TRAPPC3: variants seen among roughly 807,000 people sequenced by gnomAD.
The protein encoded by TRAPPC3 is trafficking protein particle complex subunit 3, also known as trafficking protein particle complex 3.
In TRAPPC3, 5 loss-of-function variants were observed where a neutral mutation model predicts 18.2. That is an observed-to-expected ratio of 0.28 (90% CI 0.14 to 0.58). TRAPPC3 has a LOEUF of 0.58. Among genes scored for constraint, TRAPPC3 ranks in the 20% least tolerant of loss-of-function variants. TRAPPC3 has a pLI of 0.91. For missense variants in TRAPPC3, 176 were observed against 225.9 expected, an observed-to-expected ratio of 0.78 and a Z score of 1.41; for synonymous variants, 65 against 84.2, an observed-to-expected ratio of 0.77 and a Z score of 1.25.
At chr1:36,140,217 C>T (rs762454722) in intron 1 of TRAPPC3, 51 bp from the exon 2 acceptor site, 12 of 1,249,374 alleles carry the variant, frequency 9.6e-6, no homozygotes, top group Non-Finnish European at 1.2e-5. Flanking sequence ...AAAGAGAAAG[C>T]GTGGTGAGAG....
intron 1 of TRAPPC3, among the ~76,000 whole-genome samples, chr1:36,144,335 G>A (rs984904795): frequency 5.7e-5 from 7 of 122,268 alleles, no homozygotes; most frequent in African/African-American, 2.2e-4. Flanking sequence ...AAAGAAAGAA[G>A]ATTTTGAATC....
intron 3 of TRAPPC3, 135 bp downstream of exon 3, chr1:36,139,585 G>T: frequency 8.4e-7 from 1 of 1,188,594 alleles, no homozygotes. Context: ...GACCTGGAAT[G>T]TTTTTTTGAC....
At chr1:36,137,751 C>T (rs930832904) in intron 4 of TRAPPC3, 45 bp downstream of exon 4, 1 of 1,575,680 alleles carries the variant, frequency 6.3e-7, no homozygotes, top group Non-Finnish European at 8.7e-7. Context: ...TTATCAAGTC[C>T]CTATTGCATT....
chr1:36,150,478 A>C (rs1475101768), upstream of TRAPPC3, among the ~76,000 whole-genome samples: 2 of 152,146 alleles, frequency 1.3e-5, no homozygotes, highest in Non-Finnish European at 2.9e-5. Context: ...GGGGTCCCTG[A>C]GCACTCTCTG....
chr1:36,151,416 T>C (rs1311853030), upstream of TRAPPC3, among the ~76,000 whole-genome samples: 1 of 152,028 alleles, frequency 6.6e-6, no homozygotes, highest in Non-Finnish European at 1.5e-5. Context: ...CTTTTGTTTA[T>C]TTACTTTTTT....
At chr1:36,137,611 G>C in intron 4 of TRAPPC3, 185 bp downstream of exon 4, 1 of 684,384 alleles carries the variant, frequency 1.5e-6, no homozygotes. Context: ...CCACCAGCCT[G>C]GTATGGAGGA....
chr1:36,137,563 G>T, intron 4 of TRAPPC3: 1 of 636,482 alleles, frequency 1.6e-6, no homozygotes, highest in Non-Finnish European at 2.7e-6. Context: ...ATCTGAGAAT[G>T]GATGTTCCTG....
chr1:36,149,652 C>T, upstream of TRAPPC3: 1 of 552,740 alleles, frequency 1.8e-6, no homozygotes. Flanking sequence ...GCTCCGCGCG[C>T]GCCTGCCTGG....
At chr1:36,138,636 C>T (rs1185946693) in intron 3 of TRAPPC3, among the ~76,000 whole-genome samples, 1 of 152,208 alleles carries the variant, frequency 6.6e-6, no homozygotes, top group Non-Finnish European at 1.5e-5. Flanking sequence ...ATGCACAACA[C>T]TATGCTAAAC....
Position 36,142,654 on chromosome 1 carries a change from T to C in TRAPPC3, c.43-2488A>G, listed in dbSNP as rs541495513. Among the ~76,000 whole-genome samples the C allele has an allele frequency of 4.6e-5, 7 of 152,316 alleles. No homozygotes were observed. The East Asian group carries it at 9.6e-4, about 21-fold the overall frequency. Reference sequence around the variant, plus strand: ...TACCCTCTCTTGATTTGCAAGTCTATCTTCATCTTCAATTACGAACCAAGC... The same window carrying C: ...TACCCTCTCTTGATTTGCAAGTCTACCTTCATCTTCAATTACGAACCAAGC... On this transcript the variant is annotated intron_variant, in intron 1 of 4. Coordinates refer to ENST00000373166, the MANE Select transcript of TRAPPC3 (RefSeq NM_014408.5).
chr1:36,149,164 C>G (rs757060481), intron 1 of TRAPPC3, 173 bp downstream of exon 1: 51 of 1,468,868 alleles, frequency 3.5e-5, no homozygotes, highest in Non-Finnish European at 4.5e-5. Context: ...GGAACTTCTC[C>G]GACGGTCCCC....
chr1:36,141,619 A>T (rs1644108657), intron 1 of TRAPPC3, among the ~76,000 whole-genome samples: 1 of 152,154 alleles, frequency 6.6e-6, no homozygotes, highest in Non-Finnish European at 1.5e-5. Context: ...GCAGGAATTA[A>T]CCCCACTTTA....
rs558286326 is a variant in TRAPPC3, at chr1:36,143,615, G to A, written c.43-3449C>T. The stretch of plus-strand genomic sequence containing the variant: ...CACTGAACATAAGCACCACATCTCC[G>A]CTACCACCAGAAACATGAATCGCTT... On this transcript the variant is annotated intron_variant, in intron 1 of 4. Coordinates refer to ENST00000373166, the MANE Select transcript of TRAPPC3 (RefSeq NM_014408.5). Among the ~76,000 whole-genome samples the A allele has an allele frequency of 3.3e-5, 5 of 152,122 alleles. No homozygotes were observed. In the South Asian group the frequency reaches 6.2e-4, roughly 19 times the overall value.
chr1:36,138,734 A>T (rs1644062214), intron 3 of TRAPPC3, among the ~76,000 whole-genome samples: 1 of 152,168 alleles, frequency 6.6e-6, no homozygotes, highest in Non-Finnish European at 1.5e-5. Flanking sequence ...TTCATGTTAA[A>T]GATGAGGTAA....
intron 1 of TRAPPC3, 47 bp downstream of exon 1, chr1:36,149,290 A>C (rs1644246954): frequency 1.2e-6 from 2 of 1,612,014 alleles, no homozygotes; most frequent in Non-Finnish European, 1.7e-6. Flanking sequence ...CCTTCCCTGT[A>C]CGCCTCAATT....
intron 1 of TRAPPC3, among the ~76,000 whole-genome samples, chr1:36,147,622 T>C (rs1644221103): frequency 6.6e-6 from 1 of 152,120 alleles, no homozygotes; most frequent in Admixed American, 6.5e-5. Flanking sequence ...AGCCTGGGTA[T>C]ATCATTTAAA....
chr1:36,148,229 A>G (rs1157710335), intron 1 of TRAPPC3, among the ~76,000 whole-genome samples: 1 of 152,056 alleles, frequency 6.6e-6, no homozygotes, highest in Non-Finnish European at 1.5e-5. Context: ...GGGAGCCTGA[A>G]CAGGCAGATC....
intron 1 of TRAPPC3, chr1:36,155,733 G>C (rs1644313618): frequency 6.6e-6 from 1 of 152,448 alleles, no homozygotes; most frequent in Non-Finnish European, 1.5e-5. Flanking sequence ...CTTTGGTTTA[G>C]GTGGGTTTGA....
At chr1:36,138,671 T>C (rs114259161) in intron 3 of TRAPPC3, among the ~76,000 whole-genome samples, 120 of 152,338 alleles carry the variant, frequency 7.9e-4, no homozygotes, top group African/African-American at 2.7e-3. Flanking sequence ...TAAATGTTCA[T>C]GTCCATTATT....
Sources: gnomAD v4.1 joint callset for allele counts (sites outside exome capture counted in the v4.1 genomes callset) on GRCh38, gnomAD v4.1.1 for gene constraint, MANE v1.5 for transcripts, NCBI Gene and HGNC (gene_info 2026-07-23, HGNC 2026-07-21) for gene names.